The following COMMD1 variants were observed in gnomAD, a reference collection of about 807,000 sequenced individuals.
The protein encoded by COMMD1 is COMM domain-containing protein 1.
COMMD1 carries 10 observed loss-of-function variants against 17.2 expected under a neutral mutation model. The observed-to-expected ratio is 0.58, with a 90% confidence interval of 0.36 to 0.99. The LOEUF is 0.99. Among genes scored for constraint, COMMD1 ranks in the 50% least tolerant of loss-of-function variants. The pLI is 0.01. For missense variants in COMMD1, 270 were observed against 231.8 expected (o/e 1.17, Z -1.07); for synonymous variants, 97 against 91.6 (o/e 1.06, Z -0.34).
chr2:62,041,666 C>T (rs1328804228), intron 2 of COMMD1, among the ~76,000 whole-genome samples: 6 of 152,158 alleles, frequency 3.9e-5, no homozygotes, highest in East Asian at 1.9e-4. Flanking sequence ...CTAGTGTGTC[C>T]GGAATTGGTG....
At chr2:61,947,824 C>T (rs962945527) in intron 1 of COMMD1, among the ~76,000 whole-genome samples, 1 of 150,060 alleles carries the variant, frequency 6.7e-6, no homozygotes, top group Non-Finnish European at 1.5e-5. Flanking sequence ...GGTAGCTGGG[C>T]TTATAGGCAT....
At chr2:62,105,066 G>A (rs1334488503) in intron 2 of COMMD1, among the ~76,000 whole-genome samples, 2 of 150,654 alleles carry the variant, frequency 1.3e-5, no homozygotes, top group Non-Finnish European at 3.0e-5. Flanking sequence ...TGGAGGTTGC[G>A]GTAAGCTGAG....
intron 2 of COMMD1, among the ~76,000 whole-genome samples, chr2:62,033,506 G>A (rs1669963604): frequency 6.6e-6 from 1 of 152,074 alleles, no homozygotes; most frequent in Non-Finnish European, 1.5e-5. Context: ...CACTTCAGGA[G>A]GCTGAGGCAG....
Position 61,983,670 on chromosome 2 carries a change from C to T in COMMD1, c.181-17031C>T, listed in dbSNP as rs76095254. 7.2e-3 allele frequency among the ~76,000 whole-genome samples: 1,090 copies of T among 152,126 alleles called. 23 individuals are homozygous for T. The highest frequency in any genetic ancestry group is 0.025 in the African/African-American group (1,017 of 41,494). On this transcript the variant is annotated intron_variant, in intron 1 of 2. Transcript: ENST00000311832. ...GTAGCCTCTAATCCTTCAGTTTCTG[C>T]GGTATCAGTTGTAATGTTTTCTTTT...
upstream of COMMD1, among the ~76,000 whole-genome samples, chr2:61,901,589 C>A (rs1669657819): frequency 6.6e-6 from 1 of 152,074 alleles, no homozygotes; most frequent in African/African-American, 2.4e-5. Flanking sequence ...TGCCATTGTA[C>A]TCCAGCCTGG....
At chr2:61,981,894 G>A (rs760813220) in intron 1 of COMMD1, among the ~76,000 whole-genome samples, 3 of 152,174 alleles carry the variant, frequency 2.0e-5, no homozygotes, top group African/African-American at 7.2e-5. Context: ...CTATAGCTCT[G>A]TAGTATAATT....
chr2:62,055,292 C>G (rs1265409257), intron 2 of COMMD1: 2 of 390,054 alleles, frequency 5.1e-6, no homozygotes, highest in South Asian at 3.9e-5. Flanking sequence ...AGCCCACAAG[C>G]TAACCCTAGC....
At chr2:62,125,801 C>T (rs943029557) in intron 2 of COMMD1, among the ~76,000 whole-genome samples, 1 of 152,076 alleles carries the variant, frequency 6.6e-6, no homozygotes, top group African/African-American at 2.4e-5. Context: ...GGTACATGTG[C>T]AGTATGTGCA....
chr2:62,073,332 A>G (rs1199873355), intron 2 of COMMD1, among the ~76,000 whole-genome samples: 2 of 152,174 alleles, frequency 1.3e-5, no homozygotes, highest in African/African-American at 4.8e-5. Flanking sequence ...AGAGACATTT[A>G]CCATCATTCT....
chr2:61,898,554 G>A (rs77041284), intron 1 of COMMD1, among the ~76,000 whole-genome samples: 3,783 of 152,204 alleles, frequency 0.025, 84 homozygotes, highest in Non-Finnish European at 0.034. Context: ...AAGTAGAATG[G>A]AGACAGAGGG....
At chr2:62,122,590 T>C (rs1672780335) in intron 2 of COMMD1, among the ~76,000 whole-genome samples, 1 of 152,254 alleles carries the variant, frequency 6.6e-6, no homozygotes, top group Non-Finnish European at 1.5e-5. Flanking sequence ...ACTCTTGGTT[T>C]AGCTGTACAT....
chr2:62,075,012 C>A lies in COMMD1; in HGVS notation c.463-60819C>A, dbSNP rs150270012. Among the ~76,000 whole-genome samples, 468 of 151,494 alleles carry A rather than the reference C, an allele frequency of 3.1e-3. 1 individual carries two copies. Among genetic ancestry groups the A allele is most frequent in the African/African-American group, 0.011 (446 of 41,250 alleles). ...TCAAGCGATTCTCCTGCCTCAGCCT[C>A]CCTAGTAGCTGGAACTACAGGTGCA... On this transcript the variant is annotated intron_variant, in intron 2 of 2. Transcript: ENST00000311832.
chr2:62,055,048 GCA>G (rs1670652680), intron 2 of COMMD1, among the ~76,000 whole-genome samples: 1 of 152,152 alleles, frequency 6.6e-6, no homozygotes, highest in African/African-American at 2.4e-5. Flanking sequence ...AGAGAAGTTT[GCA>G]CAGAGACCAT....
chr2:61,936,805 G>A (rs12476252), intron 1 of COMMD1, among the ~76,000 whole-genome samples: 93,942 of 151,964 alleles, frequency 0.62, 30,381 homozygotes, highest in Middle Eastern at 0.75. Context: ...ATATGAGACT[G>A]GGTCTAAGTC....
chr2:61,975,803 G>C (rs73932892), intron 1 of COMMD1, among the ~76,000 whole-genome samples: 7,415 of 152,068 alleles, frequency 0.049, 622 homozygotes, highest in African/African-American at 0.17. Flanking sequence ...TTGATTTCTA[G>C]TTTAATTTCA....
Position 62,121,662 on chromosome 2 carries a change from G to A in COMMD1, c.463-14169G>A, listed in dbSNP as rs569463071. On this transcript the variant is annotated intron_variant, in intron 2 of 2. Transcript: ENST00000311832. Reference sequence around the variant, plus strand: ...CTGAGGTAGGAGAATTGCTGGAACCGGGGAGGTGGAGGTTGTAGTGAGCTG... The same window carrying A: ...CTGAGGTAGGAGAATTGCTGGAACCAGGGAGGTGGAGGTTGTAGTGAGCTG... Among the ~76,000 whole-genome samples, 233 of 151,386 alleles carry A rather than the reference G, an allele frequency of 1.5e-3. 2 individuals are homozygous for A. The highest frequency in any genetic ancestry group is 4.4e-3 in the African/African-American group (181 of 41,296).
At chr2:61,912,508 G>A (rs1306713972) in intron 1 of COMMD1, among the ~76,000 whole-genome samples, 4 of 152,012 alleles carry the variant, frequency 2.6e-5, no homozygotes, top group South Asian at 2.1e-4. Context: ...AGGCCAAGGC[G>A]GGCAGATCAC....
At chr2:62,078,333 C>G (rs1196060284) in intron 2 of COMMD1, among the ~76,000 whole-genome samples, 5 of 143,724 alleles carry the variant, frequency 3.5e-5, no homozygotes, top group African/African-American at 1.3e-4. Flanking sequence ...GTGGGTAGAT[C>G]ATGAGGTCAA....
At chr2:61,917,618 C>G (rs971580796) in intron 1 of COMMD1, among the ~76,000 whole-genome samples, 5 of 152,016 alleles carry the variant, frequency 3.3e-5, no homozygotes, top group Non-Finnish European at 5.9e-5. Flanking sequence ...AGCTCTGCCT[C>G]CCTGGTTCAC....
Sources: gnomAD v4.1 joint callset for allele counts (sites outside exome capture counted in the v4.1 genomes callset) on GRCh38, gnomAD v4.1.1 for gene constraint, MANE v1.5 for transcripts, NCBI Gene and HGNC (gene_info 2026-07-23, HGNC 2026-07-21) for gene names.